Variants in CKAP2 observed in about 807,000 individuals in gnomAD.
CKAP2 encodes cytoskeleton-associated protein 2.
In CKAP2, 46 loss-of-function variants were observed where a neutral mutation model predicts 58.4. The observed-to-expected ratio is 0.79, with a 90% CI of 0.62 to 1.01. CKAP2 has a LOEUF of 1.01. Among genes scored for constraint, CKAP2 ranks in the 50% least tolerant of loss-of-function variants. CKAP2 has a pLI of 0.00. For missense variants in CKAP2, 809 were observed against 796.4 expected, an observed-to-expected ratio of 1.02 and a Z score of -0.19; for synonymous variants, 293 against 280.9, an observed-to-expected ratio of 1.04 and a Z score of -0.43.
intron 2 of CKAP2, among the ~76,000 whole-genome samples, chr13:52,458,127 T>G (rs1419558320): frequency 6.6e-6 from 1 of 152,242 alleles, no homozygotes; most frequent in African/African-American, 2.4e-5. Flanking sequence ...AATCTTTTAT[T>G]TCTTTGTTTA....
chr13:52,469,697 C>T (rs1003667683), intron 7 of CKAP2, among the ~76,000 whole-genome samples: 1 of 149,148 alleles, frequency 6.7e-6, no homozygotes, highest in Non-Finnish European at 1.5e-5. Flanking sequence ...CCCGGGTTCA[C>T]GCCATTCTCC....
At chr13:52,472,502 TC>T (rs368897751) in intron 7 of CKAP2, among the ~76,000 whole-genome samples, 5 of 152,232 alleles carry the variant, frequency 3.3e-5, no homozygotes, top group African/African-American at 1.2e-4. Context: ...GGTTTTTTTT[TC>T]CAGCTCAATG....
chr13:52,474,168 A>G, intron 8 of CKAP2, 84 bp downstream of exon 8: 1 of 1,292,210 alleles, frequency 7.7e-7, no homozygotes, highest in East Asian at 2.3e-5. Context: ...AGATAGCTTC[A>G]GATTACAGCT....
intron 6 of CKAP2, among the ~76,000 whole-genome samples, chr13:52,466,778 G>C (rs1001965079): frequency 1.3e-5 from 2 of 152,092 alleles, no homozygotes; most frequent in African/African-American, 2.4e-5. Context: ...TTTGAGTCCA[G>C]CCTGGGCAAC....
intron 2 of CKAP2, among the ~76,000 whole-genome samples, chr13:52,459,383 C>T (rs985974916): frequency 1.5e-4 from 23 of 151,990 alleles, no homozygotes; most frequent in African/African-American, 3.9e-4. Context: ...AGTGCAGTGG[C>T]GCGATCTCAG....
rs768620432 is a variant in CKAP2 at position 52,468,283 on chromosome 13, T to C, written c.1482T>C (p.Ile494=). The change falls in exon 7 of 9, where the codon ATT becomes ATC. Residue 494 remains isoleucine (I), a synonymous_variant. Transcript: ENST00000258607. Reference sequence around the variant, plus strand: ...TCTTCATTAAAAAAATTAAGCCTATTGAAGAGATGCGACACACGATTGTAG... The same window carrying C: ...TCTTCATTAAAAAAATTAAGCCTATCGAAGAGATGCGACACACGATTGTAG... ...EKAILAGAQP[I]EEMRHTIVDI... 12 of 1,588,436 alleles carry C rather than the reference T, an allele frequency of 7.6e-6. No homozygotes were observed. The Admixed American group carries it at 1.8e-4, about 24-fold the overall frequency.
chr13:52,457,186 C>T (rs776590159), intron 2 of CKAP2, among the ~76,000 whole-genome samples: 4 of 152,132 alleles, frequency 2.6e-5, no homozygotes, highest in Admixed American at 2.0e-4. Context: ...TGAGCCACCG[C>T]GCCCGGCCTA....
chr13:52,466,360 A>C (rs772874069), intron 6 of CKAP2, among the ~76,000 whole-genome samples: 4 of 152,258 alleles, frequency 2.6e-5, no homozygotes, highest in Non-Finnish European at 4.4e-5. Context: ...TTTAAGAAAG[A>C]TCTATTCACC....
At chr13:52,467,911 G>A (rs1027303441) in intron 6 of CKAP2, among the ~76,000 whole-genome samples, 3 of 151,446 alleles carry the variant, frequency 2.0e-5, no homozygotes, top group Non-Finnish European at 2.9e-5. Flanking sequence ...CTGGGTTCAC[G>A]CCATTCTCCT....
At chr13:52,465,033 G>GA (rs1012390283) in intron 5 of CKAP2, among the ~76,000 whole-genome samples, 1 of 151,732 alleles carries the variant, frequency 6.6e-6, no homozygotes, top group Non-Finnish European at 1.5e-5. Context: ...TAAAGACGAG[G>GA]AAAAAAAACT....
In CKAP2 at chr13:52,473,898, T is replaced by G; in HGVS notation, c.1616T>G (p.Val539Gly). ...GAAGTCAGTATTGAAGATACAGGTG[T>G]TGATGTAGATCCAGAAAAACTGGAA... is the stretch of plus-strand genomic sequence containing the variant. ...VKEVSIEDTG[V>G]DVDPEKLEME... Residue 539 changes from valine (V) to glycine (G), a missense_variant, in exon 8 of 9, where the codon GTT becomes GGT. Val to Gly is a moderately radical substitution (Grantham distance 109, BLOSUM62 -3). This residue lies in a region of CKAP2 where 283 missense variants were observed against 287.6 expected (regional missense o/e 0.98). Transcript: ENST00000258607. The G allele has an allele frequency of 6.2e-7, 1 of 1,613,814 alleles. No individual in the cohort carries two copies. The highest frequency in any genetic ancestry group is 8.5e-7 in the Non-Finnish European group (1 of 1,179,782).
intron 8 of CKAP2, among the ~76,000 whole-genome samples, 176 bp downstream of exon 8, chr13:52,474,260 C>T (rs1309198704): frequency 2.0e-5 from 3 of 152,090 alleles, no homozygotes; most frequent in Non-Finnish European, 2.9e-5. Flanking sequence ...CCGAAGCAGA[C>T]AGATCACTTG....
At chr13:52,459,418 G>A (rs955561297) in intron 2 of CKAP2, among the ~76,000 whole-genome samples, 2 of 152,106 alleles carry the variant, frequency 1.3e-5, no homozygotes, top group African/African-American at 4.8e-5. Context: ...TGCCTCGTGG[G>A]TTCAAGCGAT....
intron 5 of CKAP2, 29 bp from the exon 6 acceptor site, chr13:52,465,266 A>G: frequency 1.3e-6 from 2 of 1,579,990 alleles, no homozygotes; most frequent in Non-Finnish European, 1.7e-6. Flanking sequence ...GCTAAAAAAT[A>G]TTACACACAT....
rs1324435063 is a variant in CKAP2, at chr13:52,461,912, C to T, written c.1086C>T (p.Thr362=). 6.3e-7 allele frequency: 1 copy of T among 1,591,782 alleles called. No homozygotes were observed. The highest frequency in any genetic ancestry group is 8.5e-7 in the Non-Finnish European group (1 of 1,172,698). The change falls in exon 4 of 9, where the codon ACC becomes ACT. Residue 362 remains threonine (T), a synonymous_variant. Coordinates refer to ENST00000258607, the MANE Select transcript of CKAP2 (RefSeq NM_018204.5). ...VDSRSAQPKE[T]SEERKARLSE... is the part of the protein sequence containing the mutation. ...GTAGATCAGCTCAGCCCAAAGAAAC[C>T]TCGGAAGAGAGAAAGTAAGTAGATA...
chr13:52,469,612 C>T (rs1404477691), intron 7 of CKAP2, among the ~76,000 whole-genome samples: 16 of 138,530 alleles, frequency 1.2e-4, no homozygotes, highest in Admixed American at 8.9e-4. Context: ...TTTTTTGAGA[C>T]GGAGTCTCGC....
At position 52,475,123 on chromosome 13, in the gene CKAP2, T is replaced by C. The variant is rs768884694; in HGVS notation, c.2031T>C (p.Tyr677=). 12 of 1,614,096 alleles carry C rather than the reference T, an allele frequency of 7.4e-6. No individual in the cohort carries two copies. The highest frequency in any genetic ancestry group is 1.0e-5 in the Non-Finnish European group (12 of 1,179,966). Residue 677 remains tyrosine (Y), a synonymous_variant, in exon 9 of 9, where the codon TAT becomes TAC. Coordinates refer to ENST00000258607, the MANE Select transcript of CKAP2 (RefSeq NM_018204.5). ...RPNAALCRVY[Y]EADTT ...ATGCAGCACTGTGCCGGGTGTACTA[T>C]GAGGCTGATACAACATAAGAGAAAT...
At position 52,473,866 on chromosome 13, in the gene CKAP2, A is replaced by T; in HGVS notation, c.1584A>T (p.Glu528Asp). 1 of 1,612,720 alleles carries T rather than the reference A, an allele frequency of 6.2e-7. No homozygotes were observed. The highest frequency in any genetic ancestry group is 1.1e-5 in the South Asian group (1 of 90,734). ...NMEKSCASKE[E>D]VKEVSIEDTG... ...AGAAGTCTTGTGCAAGCAAGGAAGA[A>T]GTCAAAGAAGTCAGTATTGAAGATA... Residue 528 changes from glutamate (E) to aspartate (D), a missense_variant, in exon 8 of 9, where the codon GAA becomes GAT. Physicochemically the swap from Glu to Asp is conservative, Grantham distance 45. Coordinates refer to ENST00000258607, the MANE Select transcript of CKAP2 (RefSeq NM_018204.5).
intron 7 of CKAP2, among the ~76,000 whole-genome samples, chr13:52,469,689 C>T (rs867484994): frequency 1.3e-4 from 19 of 149,100 alleles, no homozygotes; most frequent in African/African-American, 3.2e-4. Flanking sequence ...CTCCGCCTCC[C>T]GGGTTCACGC....
Sources: gnomAD v4.1 joint callset for allele counts (sites outside exome capture counted in the v4.1 genomes callset) on GRCh38, gnomAD v4.1.1 for gene constraint, gnomAD v4.1.1 regional missense constraint, MANE v1.5 for transcripts, NCBI Gene and HGNC (gene_info 2026-07-23, HGNC 2026-07-21) for gene names.